CTIF: variants seen among roughly 807,000 people sequenced by gnomAD.
CTIF encodes cap binding complex dependent translation initiation factor, also known as CBP80/20-dependent translation initiation factor.
CTIF carries 21 observed loss-of-function variants against 66.0 expected under a neutral mutation model. The ratio of observed to expected loss-of-function variants is 0.32; its 90% CI spans 0.23 to 0.46. The LOEUF (loss-of-function observed/expected upper bound fraction) is 0.46, where lower values mean the gene tolerates loss of function less well. Among genes scored for constraint, CTIF ranks in the 20% least tolerant of loss-of-function variants. The pLI, the probability that CTIF is intolerant of heterozygous loss-of-function variation, is 1.00. For synonymous variants in CTIF, 345 were observed against 326.4 expected, an observed-to-expected ratio of 1.06 and a Z score of -0.62; for missense variants, 739 against 812.7, an observed-to-expected ratio of 0.91 and a Z score of 1.10.
At chr18:48,600,035 C>A (rs2090062306) in intron 1 of CTIF, among the ~76,000 whole-genome samples, 1 of 152,196 alleles carries the variant, frequency 6.6e-6, no homozygotes, top group South Asian at 2.1e-4. Context: ...ACCAATGTGT[C>A]TAATAATCTC....
At chr18:48,858,743 G>C (rs1318897538) in intron 11 of CTIF, among the ~76,000 whole-genome samples, 2 of 152,096 alleles carry the variant, frequency 1.3e-5, no homozygotes, top group African/African-American at 4.8e-5. Flanking sequence ...GCCTCTGGCT[G>C]GCCTTCTTCC....
Position 48,758,106 on chromosome 18 carries a change from C to G in CTIF, c.772C>G (p.Pro258Ala). Residue 258 changes from proline (P) to alanine (A), a missense_variant, in exon 8 of 12, where the codon CCA becomes GCA. Pro to Ala is a conservative substitution (Grantham distance 27). Transcript: ENST00000256413. ...RRWHHGNMKH[P>A]PGDKGEAGAH... Reference sequence around the variant, plus strand: ...CTGGCACCATGGCAACATGAAGCACCCACCAGGCGACAAGGGGGAGGCAGG... The same window carrying G: ...CTGGCACCATGGCAACATGAAGCACGCACCAGGCGACAAGGGGGAGGCAGG... 6.2e-7 allele frequency: 1 copy of G among 1,614,116 alleles called. No homozygotes were observed. Among genetic ancestry groups the G allele is most frequent in the Non-Finnish European group, 8.5e-7 (1 of 1,180,028 alleles).
intron 9 of CTIF, among the ~76,000 whole-genome samples, chr18:48,781,254 G>A (rs1235441639): frequency 6.6e-6 from 1 of 152,214 alleles, no homozygotes; most frequent in Non-Finnish European, 1.5e-5. Flanking sequence ...ACAAAGCCGT[G>A]CGCCGCAGCG....
chr18:48,596,769 C>T (rs1480747825), intron 1 of CTIF, among the ~76,000 whole-genome samples: 1 of 152,184 alleles, frequency 6.6e-6, no homozygotes, highest in Non-Finnish European at 1.5e-5. Flanking sequence ...AGCCACCGCA[C>T]ATGTCTGGAA....
At chr18:48,752,064 G>A (rs1025953306) in intron 7 of CTIF, among the ~76,000 whole-genome samples, 3 of 152,178 alleles carry the variant, frequency 2.0e-5, no homozygotes, top group African/African-American at 4.8e-5. Context: ...AGCATCGTTT[G>A]GCGAGGTAAA....
intron 7 of CTIF, among the ~76,000 whole-genome samples, chr18:48,750,361 A>G (rs1273040924): frequency 6.6e-6 from 1 of 152,232 alleles, no homozygotes; most frequent in Admixed American, 6.5e-5. Context: ...ATGGGTCCGC[A>G]GTTGAGTGAA....
chr18:48,829,983 C>A (rs1165475223), intron 10 of CTIF, among the ~76,000 whole-genome samples: 1 of 152,240 alleles, frequency 6.6e-6, no homozygotes, highest in Non-Finnish European at 1.5e-5. Context: ...GCCGCCAGCA[C>A]TGAACTGTAG....
At chr18:48,548,520 A>G (rs2088808535) in intron 1 of CTIF, among the ~76,000 whole-genome samples, 3 of 152,344 alleles carry the variant, frequency 2.0e-5, no homozygotes, top group Admixed American at 6.5e-5. Context: ...GATGCTTGGC[A>G]TCTGTGTGGG....
rs2090139752 is a variant in CTIF, at chr18:48,603,479, G to A, written c.-28-16059G>A. Among the ~76,000 whole-genome samples the A allele has an allele frequency of 2.9e-5, 3 of 102,596 alleles. No individual in the cohort carries two copies. The South Asian group carries it at 1.1e-3, about 36-fold the overall frequency. 67.3% of individuals were successfully genotyped at this position (102,596 alleles called of 152,430 possible). Reference sequence around the variant, plus strand: ...GGTGAGTGAATGGATGGCTAGATGGGTGGGTGGGTGGGTGGGTGGGTGGAT... The same window carrying A: ...GGTGAGTGAATGGATGGCTAGATGGATGGGTGGGTGGGTGGGTGGGTGGAT... On this transcript the variant is annotated intron_variant, in intron 1 of 11. Coordinates refer to ENST00000256413, the MANE Select transcript of CTIF (RefSeq NM_014772.3).
At chr18:48,645,068 G>A (rs779980384) in intron 3 of CTIF, among the ~76,000 whole-genome samples, 5 of 152,112 alleles carry the variant, frequency 3.3e-5, no homozygotes, top group Non-Finnish European at 5.9e-5. Flanking sequence ...AAATGCAATA[G>A]ATGTTCTTAT....
intron 7 of CTIF, among the ~76,000 whole-genome samples, chr18:48,753,365 G>A (rs962400449): frequency 2.0e-5 from 3 of 152,142 alleles, no homozygotes; most frequent in African/African-American, 7.2e-5. Flanking sequence ...CGAACAGAGG[G>A]ACATTTGTCT....
intron 2 of CTIF, among the ~76,000 whole-genome samples, chr18:48,624,084 C>T (rs1012258972): frequency 2.5e-4 from 36 of 144,858 alleles, no homozygotes; most frequent in Non-Finnish European, 4.7e-4. Flanking sequence ...ATGTTTGACA[C>T]CACGCCCCTC....
chr18:48,775,541 G>C (rs925129527), intron 9 of CTIF, among the ~76,000 whole-genome samples: 1 of 152,230 alleles, frequency 6.6e-6, no homozygotes. Flanking sequence ...CTCTCCAAGG[G>C]GCCCTGGGAC....
chr18:48,690,465 C>G (rs2091910482), intron 6 of CTIF, among the ~76,000 whole-genome samples: 1 of 152,152 alleles, frequency 6.6e-6, no homozygotes, highest in Admixed American at 6.5e-5. Context: ...TCATCCCAAT[C>G]CAGCCCCTGC....
At chr18:48,604,168 GTTTTTTT>G (rs34544217) in intron 1 of CTIF, among the ~76,000 whole-genome samples, 12 of 63,264 alleles carry the variant, frequency 1.9e-4, no homozygotes, top group Non-Finnish European at 2.0e-4. Context: ...TTTTTTAAGG[GTTTTTTT>G]TTTTTTTTTT....
intron 10 of CTIF, among the ~76,000 whole-genome samples, chr18:48,833,098 T>A (rs1244529201): frequency 6.6e-6 from 1 of 152,172 alleles, no homozygotes; most frequent in African/African-American, 2.4e-5. Context: ...GCCCCAGGCT[T>A]GGATGCATGC....
intron 7 of CTIF, among the ~76,000 whole-genome samples, chr18:48,747,628 C>CA (rs1260846805): frequency 6.6e-6 from 1 of 151,976 alleles, no homozygotes; most frequent in African/African-American, 2.4e-5. Context: ...ATTTTGCTAC[C>CA]AGGGGCTGCG....
At chr18:48,576,611 C>T (rs1389764708) in intron 1 of CTIF, among the ~76,000 whole-genome samples, 2 of 152,178 alleles carry the variant, frequency 1.3e-5, no homozygotes, top group Admixed American at 6.5e-5. Context: ...CTGTGCCAGC[C>T]GGGGCGTAAC....
At chr18:48,676,797 G>A (rs1200991621) in intron 6 of CTIF, among the ~76,000 whole-genome samples, 1 of 151,686 alleles carries the variant, frequency 6.6e-6, no homozygotes, top group African/African-American at 2.4e-5. Flanking sequence ...GCTTGGCCCT[G>A]GATGATAACA....
Sources: allele counts gnomAD v4.1 joint callset (sites outside exome capture counted in the v4.1 genomes callset), GRCh38; gene constraint gnomAD v4.1.1; transcripts MANE v1.5; gene names NCBI Gene and HGNC (gene_info 2026-07-23, HGNC 2026-07-21).